Variants in C12orf42 observed in about 807,000 individuals in gnomAD.
C12orf42 encodes the protein uncharacterized protein C12orf42.
C12orf42 carries 25 observed loss-of-function variants against 21.6 expected under a neutral mutation model. That is an observed-to-expected ratio of 1.16 (90% CI 0.84 to 1.62). The LOEUF is 1.62. Ranked by LOEUF, C12orf42 falls within the 40% of genes most tolerant of loss-of-function variation. C12orf42 has a pLI of 0.00. For missense variants in C12orf42, 483 were observed against 459.3 expected (o/e 1.05, Z -0.47); for synonymous variants, 174 against 175.0 (o/e 0.99, Z 0.05).
At chr12:103,213,372 C>A in the C12orf42 span, among the ~76,000 whole-genome samples, 1 of 152,160 alleles carries the variant, frequency 6.6e-6, no homozygotes, top group Non-Finnish European at 1.5e-5. Context: ...TGCTTTCAAC[C>A]ACACAAAAAT....
intron 5 of C12orf42, among the ~76,000 whole-genome samples, chr12:103,275,014 A>G (rs772500570): frequency 6.6e-6 from 1 of 152,160 alleles, no homozygotes; most frequent in African/African-American, 2.4e-5. Context: ...AAAAAAAATC[A>G]TGACTCTTTT....
At chr12:103,281,360 G>C (rs1397270453) in intron 4 of C12orf42, among the ~76,000 whole-genome samples, 7 of 152,068 alleles carry the variant, frequency 4.6e-5, no homozygotes, top group Non-Finnish European at 1.0e-4. Flanking sequence ...GTATCATCCT[G>C]ACGTGTTTGT....
At chr12:103,235,451 C>A (rs1470503146), downstream of C12orf42, among the ~76,000 whole-genome samples, 1 of 152,108 alleles carries the variant, frequency 6.6e-6, no homozygotes, top group Non-Finnish European at 1.5e-5. Context: ...GTTGAACCAG[C>A]CTTGCATACC....
chr12:103,393,898 A>G (rs751805364), intron 3 of C12orf42, among the ~76,000 whole-genome samples: 1 of 152,238 alleles, frequency 6.6e-6, no homozygotes, highest in Non-Finnish European at 1.5e-5. Context: ...GACTCTAGGC[A>G]GAGCAAATTC....
chr12:103,326,501 A>G (rs1281082255), intron 4 of C12orf42, among the ~76,000 whole-genome samples: 5 of 152,180 alleles, frequency 3.3e-5, no homozygotes, highest in Non-Finnish European at 2.9e-5. Flanking sequence ...AAGGCCCTAC[A>G]TGATCTAGCC....
At chr12:103,370,108 G>A (rs144199203) in intron 3 of C12orf42, among the ~76,000 whole-genome samples, 2 of 152,108 alleles carry the variant, frequency 1.3e-5, no homozygotes, top group Non-Finnish European at 2.9e-5. Context: ...ACATACATGT[G>A]GCCAACAAGC....
At chr12:103,168,048 A>C in the C12orf42 span, 2 of 455,900 alleles carry the variant, frequency 4.4e-6, no homozygotes, top group Non-Finnish European at 8.8e-6. Flanking sequence ...GTGAGGGAGA[A>C]TGGGAGAAAC....
the C12orf42 span, chr12:103,156,077 T>C: frequency 6.6e-6 from 1 of 152,082 alleles, no homozygotes; most frequent in African/African-American, 2.4e-5. Context: ...AATTATAATT[T>C]ATATTCTGTA....
downstream of C12orf42, among the ~76,000 whole-genome samples, chr12:103,299,981 C>T (rs935053599): frequency 6.6e-6 from 1 of 152,204 alleles, no homozygotes; most frequent in Non-Finnish European, 1.5e-5. Flanking sequence ...CATTACACTG[C>T]TCCAAGGAAG....
chr12:103,498,257 T>C (rs1955622587), upstream of C12orf42, among the ~76,000 whole-genome samples: 1 of 152,226 alleles, frequency 6.6e-6, no homozygotes, highest in Non-Finnish European at 1.5e-5. Flanking sequence ...GCCTGGGCAA[T>C]GTCATAGAGA....
the C12orf42 span, among the ~76,000 whole-genome samples, chr12:103,195,529 TTTATA>T: frequency 5.3e-5 from 8 of 152,278 alleles, no homozygotes; most frequent in Non-Finnish European, 8.8e-5. Context: ...TTGATTTGCA[TTTATA>T]TTATGATTAT....
rs1555246098 is a variant in C12orf42, at chr12:103,294,624, G to GAAAGAAAGAAAGAAAGAA, written n.338-17415_338-17414insTTCTTTCTTTCTTTCTTT. ...AGAAAGAAAGAAAGAAAGAAAGAAA[G>GAAAGAAAGAAAGAAAGAA]AAAGAAAGAAAGAAGGAAAAGAAAG... On this transcript the variant is annotated intron_variant and non_coding_transcript_variant, in intron 4 of 6. Coordinates refer to the C12orf42 transcript ENST00000546526. 4.9e-4 allele frequency among the ~76,000 whole-genome samples: 68 copies of GAAAGAAAGAAAGAAAGAA among 139,928 alleles called. 1 individual carries two copies. Among genetic ancestry groups the GAAAGAAAGAAAGAAAGAA allele is most frequent in the African/African-American group, 1.9e-3 (64 of 34,004 alleles). The allele number at this position is 139,928 out of a possible 152,430, so 91.8% of individuals were successfully genotyped here. A position where few individuals can be genotyped will look rare whatever the true frequency, so the allele number is the denominator to read the frequency against.
chr12:103,200,018 A>C, the C12orf42 span, among the ~76,000 whole-genome samples: 1 of 152,170 alleles, frequency 6.6e-6, no homozygotes, highest in Non-Finnish European at 1.5e-5. Context: ...TCTGGAAGAG[A>C]TATTTGCACT....
chr12:103,153,184 A>G, the C12orf42 span, among the ~76,000 whole-genome samples: 1 of 152,186 alleles, frequency 6.6e-6, no homozygotes, highest in Non-Finnish European at 1.5e-5. Flanking sequence ...TTCCAGATAT[A>G]CTGCAGATTT....
At chr12:103,174,592 C>CTTTTTTTTTTTTTTTTTTTTTTTTTTTTT in the C12orf42 span, among the ~76,000 whole-genome samples, 1 of 152,114 alleles carries the variant, frequency 6.6e-6, no homozygotes, top group Non-Finnish European at 1.5e-5. Flanking sequence ...AGCCTGACTT[C>CTTTTTTTTTTTTTTTTTTTTTTTTTTTTT]TAATCGCCAA....
the C12orf42 span, among the ~76,000 whole-genome samples, chr12:103,137,743 G>T: frequency 6.6e-6 from 1 of 152,268 alleles, no homozygotes; most frequent in East Asian, 1.9e-4. Context: ...ACTGGAGGGC[G>T]TTGTGTTCAT....
the C12orf42 span, among the ~76,000 whole-genome samples, chr12:103,066,022 A>T: frequency 1.3e-5 from 2 of 152,140 alleles, no homozygotes; most frequent in African/African-American, 4.8e-5. Context: ...GCAGATAGGG[A>T]TGCTGTTTGG....
chr12:103,209,967 CA>C, the C12orf42 span, among the ~76,000 whole-genome samples: 11 of 152,024 alleles, frequency 7.2e-5, no homozygotes. Flanking sequence ...TGTGTTTAAA[CA>C]AAACCTGGAA....
rs1354532372 is a variant in C12orf42, at chr12:103,470,260, A to G, written c.78+8089T>C. Reference sequence around the variant, plus strand: ...ACTGTCCGAGGCTGGTGGTCCTGACATCTGGCAGCTTTTTAACCTTAACTT... The same window carrying G: ...ACTGTCCGAGGCTGGTGGTCCTGACGTCTGGCAGCTTTTTAACCTTAACTT... On this transcript the variant is annotated intron_variant, in intron 2 of 5. Transcript: ENST00000548883. Among the ~76,000 whole-genome samples the G allele has an allele frequency of 2.0e-5, 3 of 152,212 alleles. No individual in the cohort carries two copies. The East Asian group carries it at 5.8e-4, about 29-fold the overall frequency.
Sources: allele counts gnomAD v4.1 joint callset (sites outside exome capture counted in the v4.1 genomes callset), GRCh38; gene constraint gnomAD v4.1.1; transcripts MANE v1.5; gene names NCBI Gene and HGNC (gene_info 2026-07-23, HGNC 2026-07-21).